The following HIVEP1 variants were observed in gnomAD, a reference collection of about 807,000 sequenced individuals.
The protein encoded by HIVEP1 is zinc finger protein 40.
A neutral mutation model predicts 180.0 loss-of-function variants in HIVEP1; 36 were observed. The ratio of observed to expected loss-of-function variants is 0.20; its 90% confidence interval spans 0.15 to 0.26. The LOEUF (loss-of-function observed/expected upper bound fraction) is 0.26. Among genes scored for constraint, HIVEP1 ranks in the 10% least tolerant of loss-of-function variants. The pLI, the probability that HIVEP1 is intolerant of heterozygous loss-of-function variation, is 1.00. For missense variants in HIVEP1, 3,143 were observed against 3,268.7 expected (o/e 0.96, Z 0.94); for synonymous variants, 1,239 against 1,239.0 (o/e 1.00, Z 0.00).
At chr6:12,165,150 CTG>C (rs1156559026), downstream of HIVEP1, 1 of 513,968 alleles carries the variant, frequency 1.9e-6, no homozygotes, top group Non-Finnish European at 3.9e-6. Context: ...CCATGTGAAA[CTG>C]TAACTGAAAT....
At chr6:12,046,845 C>CTGTGTGTGTGTGTGTGTGTG (rs372934680) in intron 2 of HIVEP1, among the ~76,000 whole-genome samples, 4,119 of 140,974 alleles carry the variant, frequency 0.029, 93 homozygotes, top group East Asian at 0.084. Context: ...TGCCACTACA[C>CTGTGTGTGTGTGTGTGTGTG]TGTGTGTGTG....
chr6:12,068,099 T>C (rs1199465148), intron 2 of HIVEP1, among the ~76,000 whole-genome samples: 4 of 152,182 alleles, frequency 2.6e-5, no homozygotes, highest in African/African-American at 9.7e-5. Flanking sequence ...AATACTTTTT[T>C]TGTTTTTTGA....
chr6:12,178,661 T>G, the HIVEP1 span, among the ~76,000 whole-genome samples: 2 of 151,912 alleles, frequency 1.3e-5, no homozygotes, highest in South Asian at 2.1e-4. Context: ...GAGGTCTGAG[T>G]TGATGGGGCC....
At chr6:12,095,495 A>T (rs1447288419) in intron 3 of HIVEP1, among the ~76,000 whole-genome samples, 7 of 108,276 alleles carry the variant, frequency 6.5e-5, no homozygotes, top group Middle Eastern at 8.8e-3. Context: ...TCATGTTGGA[A>T]TTTTTTTTTC....
intron 5 of HIVEP1, 38 bp from the exon 6 acceptor site, chr6:12,130,729 T>C (rs1467911636): frequency 1.7e-6 from 2 of 1,175,212 alleles, no homozygotes; most frequent in Admixed American, 2.1e-5. Context: ...AGAGGCATAG[T>C]GTCCAATCTC....
In HIVEP1 at chr6:12,123,350, C is replaced by T. The variant is rs1302163134; in HGVS notation, c.3555C>T (p.His1185=). Residue 1185 remains histidine, a synonymous_variant, in exon 4 of 9, where the codon CAC becomes CAT. Transcript: ENST00000379388. ...TAGGAATCTCCCAAGAGGAAAGTCA[C>T]CCTTCTCGGGACGGGTCTCATCCTC... ...KVIGISQEES[H]PSRDGSHPHQ... is the part of the protein sequence containing the mutation. 3.1e-6 allele frequency: 5 copies of T among 1,614,032 alleles called. No homozygotes were observed. The highest frequency in any genetic ancestry group is 1.1e-5 in the South Asian group (1 of 91,088).
At chr6:12,129,454 A>G (rs1441307789) in intron 4 of HIVEP1, 2 of 394,222 alleles carry the variant, frequency 5.1e-6, no homozygotes, top group African/African-American at 2.1e-5. Flanking sequence ...TATTTAGTCT[A>G]CTAAAAAAAG....
At chr6:12,046,096 G>T (rs1457825361) in intron 2 of HIVEP1, among the ~76,000 whole-genome samples, 2 of 152,130 alleles carry the variant, frequency 1.3e-5, no homozygotes, top group Non-Finnish European at 2.9e-5. Context: ...AATAATTTTA[G>T]CAATATAAAA....
chr6:12,168,164 T>A (rs1760791839), downstream of HIVEP1, among the ~76,000 whole-genome samples: 1 of 102,346 alleles, frequency 9.8e-6, no homozygotes, highest in South Asian at 3.0e-4. Context: ...CAGATATACG[T>A]GTATATCTAT....
At chr6:12,145,817 G>C (rs988921437) in intron 7 of HIVEP1, among the ~76,000 whole-genome samples, 1 of 152,080 alleles carries the variant, frequency 6.6e-6, no homozygotes, top group Admixed American at 6.6e-5. Flanking sequence ...ATGATGTTTT[G>C]CTTGCTGCTG....
intron 2 of HIVEP1, among the ~76,000 whole-genome samples, chr6:12,084,813 G>A (rs1471198635): frequency 2.0e-5 from 3 of 152,036 alleles, no homozygotes; most frequent in Non-Finnish European, 4.4e-5. Flanking sequence ...TAGCGCAGAG[G>A]CTATATGGTA....
rs148898593 is a variant in HIVEP1, at chr6:12,019,274, C to T, written c.40+3606C>T. ...GCAAAGGGACAGAGGGGTTGGTGCT[C>T]GGCGGTGACACCTAGAAACTTCCGC... On this transcript the variant is annotated intron_variant, in intron 2 of 8. Transcript: ENST00000379388. 8.5e-5 allele frequency among the ~76,000 whole-genome samples: 13 copies of T among 152,244 alleles called. No individual in the cohort carries two copies. The East Asian group carries it at 1.9e-3, about 23-fold the overall frequency.
intron 2 of HIVEP1, among the ~76,000 whole-genome samples, chr6:12,064,418 G>T (rs906756019): frequency 1.3e-5 from 2 of 152,174 alleles, no homozygotes; most frequent in Admixed American, 1.3e-4. Flanking sequence ...ATGATCGTTT[G>T]TTAACAGCAG....
At chr6:12,167,709 A>ATG (rs751285430), downstream of HIVEP1, among the ~76,000 whole-genome samples, 221 of 62,766 alleles carry the variant, frequency 3.5e-3, no homozygotes, top group African/African-American at 0.01. Context: ...ATATACATAT[A>ATG]TGCATAATAT....
At chr6:12,093,254 C>CT (rs1036405303) in intron 3 of HIVEP1, among the ~76,000 whole-genome samples, 1 of 151,802 alleles carries the variant, frequency 6.6e-6, no homozygotes, top group African/African-American at 2.4e-5. Flanking sequence ...ATTGAGTTAT[C>CT]TTTTTCTTAA....
At chr6:12,106,023 T>TACACACACATATATACATATATATAC (rs1293803932) in intron 3 of HIVEP1, among the ~76,000 whole-genome samples, 11 of 151,478 alleles carry the variant, frequency 7.3e-5, no homozygotes, top group African/African-American at 1.5e-4. Flanking sequence ...TACATATATA[T>TACACACACATATATACATATATATAC]ACACACACAT....
chr6:12,127,302 T>C (rs1758141684), intron 4 of HIVEP1, among the ~76,000 whole-genome samples: 1 of 152,236 alleles, frequency 6.6e-6, no homozygotes, highest in South Asian at 2.1e-4. Context: ...ATCATGTGTA[T>C]GGTGGTGGAG....
chr6:12,169,498 A>G (rs1441182633), downstream of HIVEP1, among the ~76,000 whole-genome samples: 1 of 152,190 alleles, frequency 6.6e-6, no homozygotes, highest in Non-Finnish European at 1.5e-5. Context: ...CTCCAAAAGA[A>G]ATTAGAAGGT....
At chr6:12,022,398 C>T (rs1192031944) in intron 2 of HIVEP1, among the ~76,000 whole-genome samples, 1 of 152,004 alleles carries the variant, frequency 6.6e-6, no homozygotes, top group East Asian at 1.9e-4. Context: ...TCTTGAACTC[C>T]TGACCTCGTG....
Sources: gnomAD v4.1 joint callset for allele counts (sites outside exome capture counted in the v4.1 genomes callset) on GRCh38, gnomAD v4.1.1 for gene constraint, MANE v1.5 for transcripts, NCBI Gene and HGNC (gene_info 2026-07-23, HGNC 2026-07-21) for gene names.